CLHC1: variants seen among roughly 807,000 people sequenced by gnomAD.
CLHC1 encodes clathrin heavy chain linker domain containing 1.
A neutral mutation model predicts 69.5 loss-of-function variants in CLHC1; 72 were observed. That is an observed-to-expected ratio of 1.04 (90% CI 0.86 to 1.26). The LOEUF (loss-of-function observed/expected upper bound fraction) is 1.26, where lower values mean the gene tolerates loss of function less well. CLHC1 is among the 50% of genes most tolerant of loss of function. The pLI, the probability that CLHC1 is intolerant of heterozygous loss-of-function variation, is 0.00. For missense variants in CLHC1, 790 were observed against 679.3 expected (o/e 1.16, Z -1.81); for synonymous variants, 223 against 224.3 (o/e 0.99, Z 0.05).
chr2:55,208,714 T>G lies in CLHC1; in HGVS notation c.815-4A>C. The G allele has an allele frequency of 6.3e-7, 1 of 1,594,810 alleles. No individual in the cohort carries two copies. Among genetic ancestry groups the G allele is most frequent in the East Asian group, 2.2e-5 (1 of 44,774 alleles). On this transcript the variant is annotated splice_polypyrimidine_tract_variant and splice_region_variant and intron_variant, in intron 7 of 12. Coordinates refer to ENST00000401408, the MANE Select transcript of CLHC1 (RefSeq NM_152385.4). Reference sequence around the variant, plus strand: ...TCTTCAACAATGCCTTGGTCACCTGTAAATATTGAAAGTACTACTGGAAGA... The same window carrying G: ...TCTTCAACAATGCCTTGGTCACCTGGAAATATTGAAAGTACTACTGGAAGA...
chr2:55,223,217 C>A (rs1427855521), intron 2 of CLHC1, among the ~76,000 whole-genome samples: 1 of 152,130 alleles, frequency 6.6e-6, no homozygotes, highest in Non-Finnish European at 1.5e-5. Flanking sequence ...CTTCACCCAG[C>A]ACACAATAGC....
intron 1 of CLHC1, among the ~76,000 whole-genome samples, chr2:55,228,967 T>C (rs1377300655): frequency 6.6e-6 from 1 of 151,898 alleles, no homozygotes; most frequent in Non-Finnish European, 1.5e-5. Context: ...CTGGCCAACA[T>C]GGCAAAACCC....
intron 4 of CLHC1, among the ~76,000 whole-genome samples, chr2:55,213,617 C>A (rs1172596341): frequency 6.6e-6 from 1 of 152,032 alleles, no homozygotes; most frequent in Non-Finnish European, 1.5e-5. Context: ...TAAGTTTATC[C>A]AGAAATGAAA....
At position 55,212,850 on chromosome 2, in the gene CLHC1, T is replaced by C. The variant is rs367610217; in HGVS notation, c.366-44A>G. ...TTCTTATGTCTTTCAACTAACTTAA[T>C]TCTTGAACCACAAAACCTAAAGTCA... On this transcript the variant is annotated intron_variant, in intron 4 of 12. Coordinates refer to ENST00000401408, the MANE Select transcript of CLHC1 (RefSeq NM_152385.4). 5.8e-5 allele frequency: 84 copies of C among 1,440,984 alleles called. No individual in the cohort carries two copies. In the East Asian group the frequency reaches 1.7e-3, roughly 30 times the overall value. The allele number at this position is 1,440,984 out of a possible 1,614,324, so 89.3% of individuals were successfully genotyped here. A position where few individuals can be genotyped will look rare whatever the true frequency, so the allele number is the denominator to read the frequency against.
chr2:55,187,794 T>G (rs1670557053), intron 9 of CLHC1, among the ~76,000 whole-genome samples: 1 of 151,938 alleles, frequency 6.6e-6, no homozygotes, highest in African/African-American at 2.4e-5. Flanking sequence ...ATAATTAACC[T>G]CAGAGGAAAA....
At chr2:55,230,190 ATGG>A (rs1675147623) in intron 1 of CLHC1, among the ~76,000 whole-genome samples, 1 of 152,248 alleles carries the variant, frequency 6.6e-6, no homozygotes, top group Admixed American at 6.5e-5. Flanking sequence ...GCAAAAGATG[ATGG>A]TGGCTTGAAT....
intron 9 of CLHC1, among the ~76,000 whole-genome samples, chr2:55,183,299 G>C (rs1442963014): frequency 2.0e-5 from 3 of 152,108 alleles, no homozygotes; most frequent in Admixed American, 2.0e-4. Context: ...CTAAAAGCGA[G>C]TGAAAAAAAG....
intron 1 of CLHC1, among the ~76,000 whole-genome samples, chr2:55,229,584 T>C (rs1675064405): frequency 6.6e-6 from 1 of 152,056 alleles, no homozygotes; most frequent in African/African-American, 2.4e-5. Context: ...GGGGGTACCT[T>C]TGTGCGGTTT....
intron 1 of CLHC1, among the ~76,000 whole-genome samples, chr2:55,230,614 G>C (rs574298892): frequency 4.6e-5 from 7 of 152,184 alleles, no homozygotes; most frequent in African/African-American, 7.2e-5. Flanking sequence ...TCCATGGTTA[G>C]AGGTCTTGCA....
At chr2:55,229,565 A>G (rs142840719) in intron 1 of CLHC1, among the ~76,000 whole-genome samples, 1 of 152,328 alleles carries the variant, frequency 6.6e-6, no homozygotes, top group Non-Finnish European at 1.5e-5. Context: ...CAGAACTACT[A>G]TCAGCCTAGG....
intron 9 of CLHC1, among the ~76,000 whole-genome samples, chr2:55,202,622 C>T (rs1672063689): frequency 6.6e-6 from 1 of 150,478 alleles, no homozygotes; most frequent in African/African-American, 2.4e-5. Context: ...AGAGGCCAAG[C>T]ATGGTGGCTA....
intron 3 of CLHC1, 23 bp downstream of exon 3, chr2:55,222,212 T>A: frequency 1.9e-6 from 3 of 1,566,044 alleles, no homozygotes; most frequent in Middle Eastern, 1.7e-4. Context: ...GAAAACTTAA[T>A]TGTCTTAAAA....
intron 9 of CLHC1, among the ~76,000 whole-genome samples, chr2:55,183,674 G>A (rs945140533): frequency 9.9e-5 from 15 of 152,146 alleles, no homozygotes; most frequent in Non-Finnish European, 1.3e-4. Context: ...CTGAATAAGT[G>A]GCATGGTGCT....
intron 3 of CLHC1, among the ~76,000 whole-genome samples, chr2:55,221,760 T>C (rs548289020): frequency 5.3e-5 from 8 of 152,264 alleles, no homozygotes; most frequent in African/African-American, 1.9e-4. Context: ...GGAGGATTGC[T>C]TGAGGCCAGG....
At chr2:55,206,442 A>C in intron 8 of CLHC1, 66 bp from the exon 9 acceptor site, 1 of 870,156 alleles carries the variant, frequency 1.1e-6, no homozygotes, top group Non-Finnish European at 1.9e-6. Flanking sequence ...ACTGATTAGA[A>C]ATGTTTAATA....
chr2:55,222,520 A>G (rs1481180751), intron 2 of CLHC1, 27 bp from the exon 3 acceptor site: 1 of 751,442 alleles, frequency 1.3e-6, no homozygotes, highest in East Asian at 2.8e-5. Context: ...GCATCAATTA[A>G]TATAATAATT....
chr2:55,179,324 A>C (rs1364619629), intron 11 of CLHC1, among the ~76,000 whole-genome samples: 1 of 152,146 alleles, frequency 6.6e-6, no homozygotes, highest in Non-Finnish European at 1.5e-5. Context: ...TGCATCTATA[A>C]AATGGGACAA....
rs916050138 is a variant in CLHC1 at position 55,174,770 on chromosome 2, G to C, written c.*1020C>G. 2 of 151,952 alleles carry C rather than the reference G, an allele frequency of 1.3e-5. No homozygotes were observed. Among genetic ancestry groups the C allele is most frequent in the Admixed American group, 6.6e-5 (1 of 15,264 alleles). The allele number at this position is 151,952 out of a possible 1,614,324, so 9.4% of individuals were successfully genotyped here. A position where few individuals can be genotyped will look rare whatever the true frequency, so the allele number is the denominator to read the frequency against. On this transcript the variant is annotated 3_prime_UTR_variant, in exon 13 of 13. Transcript: ENST00000401408. ...AGCAGATCATTTTCATTTTTTACTT[G>C]AAATTTTTTTTTCTTTTTTTAATAA...
chr2:55,196,050 G>A (rs1671383785), intron 9 of CLHC1, among the ~76,000 whole-genome samples: 2 of 152,154 alleles, frequency 1.3e-5, no homozygotes. Flanking sequence ...GTGATTGTAG[G>A]ACTTCGCATC....
Sources: gnomAD v4.1 joint callset for allele counts (sites outside exome capture counted in the v4.1 genomes callset) on GRCh38, gnomAD v4.1.1 for gene constraint, MANE v1.5 for transcripts, NCBI Gene and HGNC (gene_info 2026-07-23, HGNC 2026-07-21) for gene names.